SPMIP7: variants seen among roughly 807,000 people sequenced by gnomAD.
SPMIP7 encodes sperm microtubule inner protein 7.
At chr7:50,098,420 C>G in the SPMIP7 span, among the ~76,000 whole-genome samples, 1 of 152,162 alleles carries the variant, frequency 6.6e-6, no homozygotes, top group East Asian at 1.9e-4. Flanking sequence ...CATCTATTGT[C>G]ACTTCCTTGA....
the SPMIP7 span, among the ~76,000 whole-genome samples, chr7:50,127,683 G>C: frequency 2.0e-5 from 3 of 148,642 alleles, no homozygotes; most frequent in Non-Finnish European, 4.5e-5. Context: ...TTCAGAATAA[G>C]ACATAAAAAT....
At chr7:50,142,467 A>G in the SPMIP7 span, 13 of 152,238 alleles carry the variant, frequency 8.5e-5, no homozygotes, top group African/African-American at 2.9e-4. Context: ...AGCGAATCAT[A>G]TAAAAGAATT....
At chr7:50,140,828 C>T in the SPMIP7 span, among the ~76,000 whole-genome samples, 1 of 152,210 alleles carries the variant, frequency 6.6e-6, no homozygotes, top group African/African-American at 2.4e-5. Context: ...TTGGCATTAA[C>T]TCAGCCTCTC....
At chr7:50,124,435 T>A in the SPMIP7 span, among the ~76,000 whole-genome samples, 9 of 152,156 alleles carry the variant, frequency 5.9e-5, no homozygotes, top group African/African-American at 1.9e-4. Context: ...TAAATATTCT[T>A]TTCAAATGCA....
the SPMIP7 span, among the ~76,000 whole-genome samples, chr7:50,133,399 CTT>C: frequency 6.6e-6 from 1 of 152,242 alleles, no homozygotes; most frequent in South Asian, 2.1e-4. Context: ...AGAGTCCTGA[CTT>C]TGACCAATAG....
the SPMIP7 span, among the ~76,000 whole-genome samples, chr7:50,158,259 C>T: frequency 1.5e-4 from 23 of 151,462 alleles, no homozygotes; most frequent in Non-Finnish European, 2.7e-4. Flanking sequence ...CTCCCACCCC[C>T]CATGTCTTTT....
the SPMIP7 span, chr7:50,151,519 T>A: frequency 1.9e-6 from 3 of 1,551,484 alleles, no homozygotes; most frequent in Admixed American, 5.9e-5. Context: ...ATTCTAATAT[T>A]CCATCAACAA....
chr7:50,157,891 A>C, the SPMIP7 span, among the ~76,000 whole-genome samples: 1 of 86,126 alleles, frequency 1.2e-5, no homozygotes, highest in African/African-American at 3.7e-5. Context: ...CACATTTTCA[A>C]AGCTTTTTTA....
chr7:50,149,392 A>T, the SPMIP7 span, among the ~76,000 whole-genome samples: 1 of 152,198 alleles, frequency 6.6e-6, no homozygotes, highest in Non-Finnish European at 1.5e-5. Flanking sequence ...AGCTGTTTTC[A>T]TATTCATTGA....
At chr7:50,096,312 C>A in the SPMIP7 span, 1 of 1,552,012 alleles carries the variant, frequency 6.4e-7, no homozygotes, top group South Asian at 1.2e-5. Flanking sequence ...TCAGTTTTGC[C>A]AGACTATCAT....
chr7:50,097,914 A>T, the SPMIP7 span, among the ~76,000 whole-genome samples: 1 of 152,192 alleles, frequency 6.6e-6, no homozygotes, highest in Non-Finnish European at 1.5e-5. Context: ...ACCTGATAAA[A>T]CATTTCATTA....
At chr7:50,099,851 C>G in the SPMIP7 span, among the ~76,000 whole-genome samples, 2 of 152,146 alleles carry the variant, frequency 1.3e-5, no homozygotes, top group African/African-American at 4.8e-5. Flanking sequence ...TCTGTGGCAT[C>G]TACAAGCCCA....
At chr7:50,158,534 C>G in the SPMIP7 span, among the ~76,000 whole-genome samples, 1 of 151,804 alleles carries the variant, frequency 6.6e-6, no homozygotes, top group Non-Finnish European at 1.5e-5. Context: ...CCCACCCCAC[C>G]CATGTCTCCT....
At chr7:50,149,827 C>T in the SPMIP7 span, among the ~76,000 whole-genome samples, 1 of 152,200 alleles carries the variant, frequency 6.6e-6, no homozygotes, top group Admixed American at 6.5e-5. Context: ...GATACTTGCA[C>T]ATAATCAATG....
chr7:50,149,827 C>A, the SPMIP7 span, among the ~76,000 whole-genome samples: 1 of 152,200 alleles, frequency 6.6e-6, no homozygotes, highest in South Asian at 2.1e-4. Context: ...GATACTTGCA[C>A]ATAATCAATG....
At chr7:50,110,546 AT>A in the SPMIP7 span, among the ~76,000 whole-genome samples, 7 of 144,432 alleles carry the variant, frequency 4.8e-5, no homozygotes, top group African/African-American at 1.8e-4. Context: ...TTTGATATAT[AT>A]TATATGCTTA....
the SPMIP7 span, chr7:50,140,095 A>C: frequency 7.8e-7 from 1 of 1,289,750 alleles, no homozygotes; most frequent in South Asian, 1.5e-5. Flanking sequence ...GATGTTTATT[A>C]ACTTAATATA....
At chr7:50,140,480 A>T in the SPMIP7 span, among the ~76,000 whole-genome samples, 1 of 152,256 alleles carries the variant, frequency 6.6e-6, no homozygotes. Context: ...AATACCTTGG[A>T]TGCTACCACT....
chr7:50,135,701 A>G, the SPMIP7 span, among the ~76,000 whole-genome samples: 1 of 152,206 alleles, frequency 6.6e-6, no homozygotes, highest in African/African-American at 2.4e-5. Flanking sequence ...CTTGGGCCAG[A>G]TGATATTCAA....
Sources: gnomAD v4.1 joint callset for allele counts (sites outside exome capture counted in the v4.1 genomes callset) on GRCh38, gnomAD v4.1.1 for gene constraint, MANE v1.5 for transcripts, NCBI Gene and HGNC (gene_info 2026-07-23, HGNC 2026-07-21) for gene names.